The following DNAJA3 variants were observed in gnomAD, a reference collection of about 807,000 sequenced individuals.
DNAJA3 encodes dnaJ homolog subfamily A member 3, mitochondrial.
Under a neutral mutation model 54.9 loss-of-function variants are expected in DNAJA3, and 29 were observed. That is an observed-to-expected ratio of 0.53 (90% CI 0.39 to 0.72). DNAJA3 has a LOEUF of 0.72. Among genes scored for constraint, DNAJA3 ranks in the 30% least tolerant of loss-of-function variants. The pLI, the probability that DNAJA3 is intolerant of heterozygous loss-of-function variation, is 0.00. For synonymous variants in DNAJA3, 302 were observed against 251.4 expected (o/e 1.20, Z -1.90); for missense variants, 708 against 639.4 (o/e 1.11, Z -1.16).
At chr16:4,455,106 G>A (rs2057020418) in intron 11 of DNAJA3, among the ~76,000 whole-genome samples, 179 bp downstream of exon 11, 1 of 152,178 alleles carries the variant, frequency 6.6e-6, no homozygotes, top group East Asian at 1.9e-4. Flanking sequence ...AATAGATGAC[G>A]TGGCAATCAG....
At chr16:4,443,787 T>C (rs1264982757) in intron 6 of DNAJA3, among the ~76,000 whole-genome samples, 3 of 151,372 alleles carry the variant, frequency 2.0e-5, no homozygotes, top group Admixed American at 6.6e-5. Flanking sequence ...CCCAGGCTCA[T>C]GCCATTCTCC....
intron 2 of DNAJA3, among the ~76,000 whole-genome samples, chr16:4,435,396 A>C (rs886952273): frequency 6.6e-6 from 1 of 152,000 alleles, no homozygotes; most frequent in Non-Finnish European, 1.5e-5. Flanking sequence ...TGCACAGTTC[A>C]CTGGAGTTGT....
chr16:4,450,574 T>C, intron 10 of DNAJA3, 77 bp downstream of exon 10: 2 of 1,147,374 alleles, frequency 1.7e-6, no homozygotes, highest in South Asian at 1.6e-5. Context: ...CAGGGCAGCA[T>C]GTTGGGGTTT....
At chr16:4,440,326 C>G (rs574953954) in intron 3 of DNAJA3, 3 of 152,044 alleles carry the variant, frequency 2.0e-5, no homozygotes, top group African/African-American at 7.3e-5. Flanking sequence ...CACGGTGGCT[C>G]ACGCTTGTAA....
intron 10 of DNAJA3, 30 bp from the exon 11 acceptor site, chr16:4,454,781 A>T: frequency 1.3e-6 from 2 of 1,543,986 alleles, no homozygotes; most frequent in South Asian, 2.2e-5. Context: ...CAGGCCCATG[A>T]CGCCAGTTCT....
chr16:4,436,440 C>G (rs560384525), intron 2 of DNAJA3, among the ~76,000 whole-genome samples: 2 of 152,328 alleles, frequency 1.3e-5, no homozygotes, highest in South Asian at 4.1e-4. Context: ...GTAAAAAGAT[C>G]AGGTAAAGCT....
chr16:4,442,184 A>G, intron 4 of DNAJA3, 84 bp from the exon 5 acceptor site: 1 of 1,415,870 alleles, frequency 7.1e-7, no homozygotes, highest in Non-Finnish European at 9.5e-7. Context: ...AATGTGGGCC[A>G]GTACCCTCCT....
At chr16:4,450,345 T>G in intron 9 of DNAJA3, 55 bp from the exon 10 acceptor site, 1 of 1,481,628 alleles carries the variant, frequency 6.7e-7, no homozygotes, top group Non-Finnish European at 9.1e-7. Context: ...GCCTGTGAGT[T>G]CTTTCCAAAG....
At chr16:4,428,226 C>T (rs1229134098) in intron 1 of DNAJA3, among the ~76,000 whole-genome samples, 7 of 152,146 alleles carry the variant, frequency 4.6e-5, no homozygotes, top group African/African-American at 1.7e-4. Context: ...GCTGGAATTA[C>T]AGGCTTGAGC....
At chr16:4,434,886 CTTTTTTTTTTTTT>C (rs202179531) in intron 2 of DNAJA3, among the ~76,000 whole-genome samples, 13 of 100,166 alleles carry the variant, frequency 1.3e-4, no homozygotes, top group Non-Finnish European at 1.2e-4. Flanking sequence ...CCTTTCCTTT[CTTTTTTTTTTTTT>C]TTTTTTTTTT....
At chr16:4,451,826 C>T (rs768806404) in intron 10 of DNAJA3, among the ~76,000 whole-genome samples, 2 of 148,978 alleles carry the variant, frequency 1.3e-5, no homozygotes, top group African/African-American at 2.5e-5. Flanking sequence ...TTTGGGACGC[C>T]GAGGAGGGTG....
chr16:4,433,294 C>T (rs1386149870), intron 1 of DNAJA3: 1 of 152,234 alleles, frequency 6.6e-6, no homozygotes, highest in African/African-American at 2.4e-5. Flanking sequence ...CATTTGTTTT[C>T]CACTGAAAGT....
chr16:4,438,064 C>T (rs944673639), intron 3 of DNAJA3, among the ~76,000 whole-genome samples: 2 of 152,048 alleles, frequency 1.3e-5, no homozygotes, highest in African/African-American at 4.8e-5. Context: ...TGCCTGTAAT[C>T]CCAACACTTT....
intron 8 of DNAJA3, 83 bp downstream of exon 8, chr16:4,447,097 G>A (rs1596368999): frequency 4.6e-6 from 7 of 1,522,310 alleles, no homozygotes; most frequent in East Asian, 2.3e-5. Context: ...CCAGTGGCCT[G>A]GAACCCATGA....
chr16:4,442,355 A>G lies in DNAJA3; in HGVS notation c.718A>G (p.Asn240Asp), dbSNP rs1424669147. ...CATCATGGACACGTGTGAGCGCTGC[A>G]ACGGCAAGGGGAACGAGCCCGGCAC... is the stretch of plus-strand genomic sequence containing the variant. ...VNIMDTCERC[N>D]GKGNEPGTKV... Residue 240 changes from asparagine to aspartate, a missense_variant, in exon 5 of 12, where the codon AAC (asparagine) becomes GAC (aspartate). By Grantham distance (23) the Asn-to-Asp change is conservative. Coordinates refer to ENST00000262375, the MANE Select transcript of DNAJA3 (RefSeq NM_005147.6). The G allele has an allele frequency of 1.2e-6, 2 of 1,610,100 alleles. No homozygotes were observed. The highest frequency in any genetic ancestry group is 1.3e-5 in the African/African-American group (1 of 74,796).
In DNAJA3 at chr16:4,453,640, G is replaced by A. The variant is rs115591858; in HGVS notation, c.1340-1171G>A. 7.6e-3 allele frequency among the ~76,000 whole-genome samples: 1,155 copies of A among 152,090 alleles called. 14 individuals carry two copies. Among genetic ancestry groups the A allele is most frequent in the African/African-American group, 0.027 (1,108 of 41,492 alleles). ...AGTAGAGATGGGTTTCACCATGTTC[G>A]AGGCCGGTCTCGAACTCCTGAGCTC... On this transcript the variant is annotated intron_variant, in intron 10 of 11. Coordinates refer to ENST00000262375, the MANE Select transcript of DNAJA3 (RefSeq NM_005147.6).
Position 4,425,874 on chromosome 16 carries a change from G to T in DNAJA3, c.-8G>T. On this transcript the variant is annotated 5_prime_UTR_variant, in exon 1 of 12. Transcript: ENST00000262375. ...CGGGCGGCGCAGGCGCAGAGTCCCC[G>T]GGCCAAGATGGCTGCGCGGTGCTCC... is the stretch of plus-strand genomic sequence containing the variant. The T allele has an allele frequency of 6.6e-7, 1 of 1,522,082 alleles. No homozygotes were observed. Among genetic ancestry groups the T allele is most frequent in the South Asian group, 1.2e-5 (1 of 82,592 alleles). The allele number at this position is 1,522,082 out of a possible 1,614,324, so 94.3% of individuals were successfully genotyped here.
rs774956322 is a variant in DNAJA3 at position 4,425,945 on chromosome 16, A to G, written c.64A>G (p.Ile22Val). 8 of 1,565,288 alleles carry G rather than the reference A, an allele frequency of 5.1e-6. No homozygotes were observed. The highest frequency in any genetic ancestry group is 5.2e-6 in the Non-Finnish European group (6 of 1,157,062). ...VVVGTPRLPA[I>V]SGRGARPPRE... Reference sequence around the variant, plus strand: ...TGTGGGGACCCCGCGGCTGCCGGCTATATCGGGTAGAGGGGCCCGGCCGCC... The same window carrying G: ...TGTGGGGACCCCGCGGCTGCCGGCTGTATCGGGTAGAGGGGCCCGGCCGCC... Residue 22 changes from isoleucine to valine, a missense_variant, in exon 1 of 12, where the codon ATA becomes GTA. Physicochemically the swap from Ile to Val is conservative, Grantham distance 29. Coordinates refer to ENST00000262375, the MANE Select transcript of DNAJA3 (RefSeq NM_005147.6).
At position 4,446,929 on chromosome 16, in the gene DNAJA3, A is replaced by G; in HGVS notation, c.1040A>G (p.His347Arg). The G allele has an allele frequency of 1.9e-6, 3 of 1,613,278 alleles. No individual in the cohort carries two copies. The highest frequency in any genetic ancestry group is 2.5e-6 in the Non-Finnish European group (3 of 1,179,824). ...TTCCGGAGGGACGGCGCAGACATCC[A>G]CTCCGACCTCTTTATTTCTATAGCT... ...PVFRRDGADIHSDLFISIAQA... is the reference protein window; with the variant it reads ...PVFRRDGADIRSDLFISIAQA... Residue 347 changes from histidine (H) to arginine (R), a missense_variant, in exon 8 of 12, where the codon CAC becomes CGC. Coordinates refer to ENST00000262375, the MANE Select transcript of DNAJA3 (RefSeq NM_005147.6).
Sources: gnomAD v4.1 joint callset for allele counts (sites outside exome capture counted in the v4.1 genomes callset) on GRCh38, gnomAD v4.1.1 for gene constraint, MANE v1.5 for transcripts, NCBI Gene and HGNC (gene_info 2026-07-23, HGNC 2026-07-21) for gene names.